The following BTBD1 variants were observed in gnomAD, a reference collection of about 807,000 sequenced individuals.
BTBD1 encodes the protein BTB/POZ domain-containing protein 1.
In BTBD1, 34 loss-of-function variants were observed where a neutral mutation model predicts 48.0. That is an observed-to-expected ratio of 0.71 (90% CI 0.54 to 0.94). The LOEUF is 0.94. Ranked by LOEUF, BTBD1 falls within the 40% of genes least tolerant of loss-of-function variation. BTBD1 has a pLI of 0.00. For missense variants in BTBD1, 543 were observed against 625.6 expected, an observed-to-expected ratio of 0.87 and a Z score of 1.41; for synonymous variants, 261 against 242.1, an observed-to-expected ratio of 1.08 and a Z score of -0.72.
At chr15:83,052,382 C>T (rs979150014) in intron 2 of BTBD1, among the ~76,000 whole-genome samples, 1 of 151,964 alleles carries the variant, frequency 6.6e-6, no homozygotes, top group Non-Finnish European at 1.5e-5. Context: ...GTTTGAAGGG[C>T]TTTTACTCTT....
intron 1 of BTBD1, among the ~76,000 whole-genome samples, chr15:83,065,523 C>G (rs2033251359): frequency 6.6e-6 from 1 of 152,274 alleles, no homozygotes; most frequent in South Asian, 2.1e-4. Context: ...CAACTGTGAA[C>G]CTTTGTATCT....
intron 3 of BTBD1, among the ~76,000 whole-genome samples, chr15:83,046,008 C>A (rs1198153844): frequency 6.6e-6 from 1 of 152,120 alleles, no homozygotes; most frequent in Non-Finnish European, 1.5e-5. Flanking sequence ...ATATTCAAAT[C>A]CCGGAGGAGA....
At chr15:83,024,375 T>A (rs1252432194) in intron 5 of BTBD1, 1 of 152,214 alleles carries the variant, frequency 6.6e-6, no homozygotes, top group Non-Finnish European at 1.5e-5. Context: ...CTGTAATAAG[T>A]TTCCCATTTG....
At chr15:83,056,610 G>C (rs1448756978) in intron 1 of BTBD1, 65 bp from the exon 2 acceptor site, 3 of 1,390,786 alleles carry the variant, frequency 2.2e-6, no homozygotes, top group Non-Finnish European at 3.0e-6. Context: ...ATCCATCACA[G>C]TTAAATTTCT....
intron 1 of BTBD1, among the ~76,000 whole-genome samples, chr15:83,057,462 TTAGC>T (rs1251896352): frequency 2.6e-5 from 4 of 152,210 alleles, no homozygotes; most frequent in Admixed American, 2.6e-4. Flanking sequence ...TCAGTAAATA[TTAGC>T]TATTTATCTG....
intron 4 of BTBD1, among the ~76,000 whole-genome samples, chr15:83,037,162 T>C (rs1416948845): frequency 1.3e-5 from 2 of 151,736 alleles, no homozygotes; most frequent in African/African-American, 4.8e-5. Flanking sequence ...AAAGAATCAA[T>C]GTAAGATAAA....
At chr15:83,061,486 G>C (rs931761735) in intron 1 of BTBD1, 2 of 152,172 alleles carry the variant, frequency 1.3e-5, no homozygotes, top group Non-Finnish European at 2.9e-5. Context: ...TCCTTACATA[G>C]ATCTGTCCCA....
chr15:83,050,130 T>C lies in BTBD1; in HGVS notation c.607A>G (p.Ile203Val), dbSNP rs1242224641. The C allele has an allele frequency of 6.8e-6, 11 of 1,613,112 alleles. No individual in the cohort carries two copies. The highest frequency in any genetic ancestry group is 9.3e-6 in the Non-Finnish European group (11 of 1,179,574). ...ATTGCATCCATTGTGCTTTTGTCTATTGTATCTAGACAAAGACTAGCAAGC... is the reference window on the plus strand; with the variant it reads ...ATTGCATCCATTGTGCTTTTGTCTACTGTATCTAGACAAAGACTAGCAAGC... ...PQLASLCLDTIDKSTMDAISA... is the reference protein window; with the variant it reads ...PQLASLCLDTVDKSTMDAISA... The change falls in exon 3 of 8, where the codon ATA becomes GTA. Residue 203 changes from isoleucine (I) to valine (V), a missense_variant. By Grantham distance (29) the Ile-to-Val change is conservative. Around this residue, in one of 3 missense-constraint regions of BTBD1, gnomAD observed 300 missense variants for 350.0 expected, o/e 0.86. Coordinates refer to ENST00000261721, the MANE Select transcript of BTBD1 (RefSeq NM_025238.4).
chr15:83,039,611 A>C (rs546678763), intron 4 of BTBD1, among the ~76,000 whole-genome samples: 1 of 151,930 alleles, frequency 6.6e-6, no homozygotes, highest in South Asian at 2.1e-4. Flanking sequence ...CATCTCTACC[A>C]AAAAATACAA....
intron 5 of BTBD1, among the ~76,000 whole-genome samples, chr15:83,027,100 C>T (rs1485229440): frequency 3.3e-5 from 5 of 152,116 alleles, no homozygotes; most frequent in Admixed American, 2.6e-4. Flanking sequence ...ACACCTGTAA[C>T]CCAGCACTTT....
chr15:83,046,264 T>A (rs778511995), intron 3 of BTBD1, among the ~76,000 whole-genome samples: 16 of 152,076 alleles, frequency 1.1e-4, no homozygotes, highest in Non-Finnish European at 7.4e-5. Flanking sequence ...TAATAACTGA[T>A]AAAAAATGTT....
Position 83,067,030 on chromosome 15 carries a change from T to TG in BTBD1, c.121dup (p.Gln41ProfsTer65), listed in dbSNP as rs1567115949. On this transcript the variant is annotated frameshift_variant, in exon 1 of 8. Coordinates refer to ENST00000261721, the MANE Select transcript of BTBD1 (RefSeq NM_025238.4). LOFTEE classifies it high-confidence loss of function. ...CTGCCAGTTGTAGAGAGGTTCCCGC[T>TG]GCAGGGGGAGCAGGGGCCCCAGAGA... 6.3e-7 allele frequency: 1 copy of TG among 1,581,864 alleles called. No individual in the cohort carries two copies.
intron 1 of BTBD1, among the ~76,000 whole-genome samples, chr15:83,058,088 G>A (rs1178928449): frequency 6.6e-6 from 1 of 152,246 alleles, no homozygotes. Flanking sequence ...TAAGGGGATG[G>A]TCTATACACA....
intron 1 of BTBD1, among the ~76,000 whole-genome samples, chr15:83,060,424 A>C (rs993447913): frequency 2.0e-5 from 3 of 151,236 alleles, no homozygotes; most frequent in Admixed American, 6.6e-5. Context: ...ACATGTCCTC[A>C]AATTAGTCCT....
intron 1 of BTBD1, 101 bp downstream of exon 1, chr15:83,066,650 C>A (rs1248772879): frequency 8.1e-6 from 10 of 1,236,752 alleles, no homozygotes; most frequent in Non-Finnish European, 1.0e-5. Context: ...AGAGCCCAGC[C>A]CAAGGTCATC....
At chr15:83,030,015 A>G (rs1308658306) in intron 5 of BTBD1, 121 bp downstream of exon 5, 4 of 946,912 alleles carry the variant, frequency 4.2e-6, no homozygotes, top group African/African-American at 3.3e-5. Flanking sequence ...ACTTAACTTA[A>G]AAGTGTATTA....
In BTBD1 at chr15:83,018,286, G is replaced by A. The variant is rs527237023; in HGVS notation, c.1291-61C>T. ...TTTAATAAGCACTCAGTTTAATGTG[G>A]TGTTTTAATTAGATTAATGTTCCAT... is the stretch of plus-strand genomic sequence containing the variant. On this transcript the variant is annotated intron_variant, in intron 7 of 7. Transcript: ENST00000261721. 17 of 1,301,570 alleles carry A rather than the reference G, an allele frequency of 1.3e-5. No individual in the cohort carries two copies. In the African/African-American group the frequency reaches 2.2e-4, roughly 17 times the overall value. 80.6% of individuals were successfully genotyped at this position (1,301,570 alleles called of 1,614,324 possible).
rs141771187 is a variant in BTBD1 at position 83,044,619 on chromosome 15, G to A, written c.665-2694C>T. 103 of 1,577,244 alleles carry A rather than the reference G, an allele frequency of 6.5e-5. 1 individual carries two copies. In the South Asian group the frequency reaches 9.6e-4, roughly 15 times the overall value. On this transcript the variant is annotated intron_variant, in intron 3 of 7. Transcript: ENST00000261721. ...AGCTGATGGCAGAAAAACTCAGACT[G>A]TGTGCAGCTTTGCAGATGGTGCATT...
At chr15:83,025,359 A>C (rs1470410174) in intron 5 of BTBD1, among the ~76,000 whole-genome samples, 1 of 72,512 alleles carries the variant, frequency 1.4e-5, no homozygotes, top group African/African-American at 9.7e-5. Flanking sequence ...CTCCATCACA[A>C]AAAAAAAAAA....
Sources: allele counts gnomAD v4.1 joint callset (sites outside exome capture counted in the v4.1 genomes callset), GRCh38; gene constraint gnomAD v4.1.1; regional missense constraint gnomAD v4.1.1; transcripts MANE v1.5; gene names NCBI Gene and HGNC (gene_info 2026-07-23, HGNC 2026-07-21).